SPOCK1: variants seen among roughly 807,000 people sequenced by gnomAD.
SPOCK1 encodes the protein testican-1.
SPOCK1 carries 23 observed loss-of-function variants against 55.3 expected under a neutral mutation model. That is an observed-to-expected ratio of 0.42 (90% CI 0.30 to 0.59). The LOEUF (loss-of-function observed/expected upper bound fraction) is 0.59, where lower values mean the gene tolerates loss of function less well. Ranked by LOEUF, SPOCK1 falls within the 20% of genes least tolerant of loss-of-function variation. The pLI, the probability that SPOCK1 is intolerant of heterozygous loss-of-function variation, is 0.22. For synonymous variants in SPOCK1, 226 were observed against 221.0 expected (o/e 1.02, Z -0.20); for missense variants, 499 against 552.5 (o/e 0.90, Z 0.97).
At chr5:137,468,745 C>T (rs1463039496) in intron 2 of SPOCK1, among the ~76,000 whole-genome samples, 1 of 152,114 alleles carries the variant, frequency 6.6e-6, no homozygotes, top group African/African-American at 2.4e-5. Context: ...GCCTTCAGCC[C>T]CACTTCCAGG....
intron 2 of SPOCK1, among the ~76,000 whole-genome samples, chr5:137,272,190 A>G (rs1277221827): frequency 2.0e-5 from 3 of 152,210 alleles, no homozygotes; most frequent in Non-Finnish European, 4.4e-5. Context: ...AAAGAGATCA[A>G]TGAAGGGACT....
In SPOCK1 at chr5:137,293,080, G is replaced by C. The variant is rs145827560; in HGVS notation, c.187-26025C>G. Among the ~76,000 whole-genome samples, 1,265 of 130,712 alleles carry C rather than the reference G, an allele frequency of 9.7e-3. 14 individuals are homozygous for C. The highest frequency in any genetic ancestry group is 0.015 in the Non-Finnish European group (939 of 61,908). The allele number at this position is 130,712 out of a possible 152,430, so 85.8% of individuals were successfully genotyped here. A position where few individuals can be genotyped will look rare whatever the true frequency, so the allele number is the denominator to read the frequency against. Reference sequence around the variant, plus strand: ...GCTGTTTCATTCAATTCTGCAGTTGGTTTGTTGAATTTTTTTTTTTTTTTT... The same window carrying C: ...GCTGTTTCATTCAATTCTGCAGTTGCTTTGTTGAATTTTTTTTTTTTTTTT... On this transcript the variant is annotated intron_variant, in intron 2 of 10. Transcript: ENST00000394945.
Position 137,084,568 on chromosome 5 carries a change from T to A in SPOCK1, c.475-16739A>T, listed in dbSNP as rs931334114. On this transcript the variant is annotated intron_variant, in intron 5 of 10. Coordinates refer to ENST00000394945, the MANE Select transcript of SPOCK1 (RefSeq NM_004598.4). The stretch of plus-strand genomic sequence containing the variant: ...TGGCAGGGGCACTGGGAAACCCCTA[T>A]TAGAGAGGGATGCATCTAATACTCT... Among the ~76,000 whole-genome samples, 14 of 151,968 alleles carry A rather than the reference T, an allele frequency of 9.2e-5. No homozygotes were observed. The South Asian group carries it at 2.5e-3, about 27-fold the overall frequency.
intron 2 of SPOCK1, among the ~76,000 whole-genome samples, chr5:137,424,264 C>T (rs999183174): frequency 1.3e-4 from 20 of 152,100 alleles, no homozygotes; most frequent in Non-Finnish European, 2.6e-4. Context: ...ACCTGTGGTC[C>T]TAGCTACTCA....
At chr5:137,300,857 C>A (rs539731327) in intron 2 of SPOCK1, among the ~76,000 whole-genome samples, 3 of 152,178 alleles carry the variant, frequency 2.0e-5, no homozygotes, top group Non-Finnish European at 4.4e-5. Context: ...GAATGGAGGT[C>A]ACCCTCACAC....
intron 6 of SPOCK1, among the ~76,000 whole-genome samples, chr5:137,022,049 C>G (rs1751587586): frequency 6.6e-6 from 1 of 152,096 alleles, no homozygotes; most frequent in African/African-American, 2.4e-5. Context: ...CTCTCTGTCC[C>G]CTCCTTTTAC....
At chr5:137,073,437 A>G (rs551317581) in intron 5 of SPOCK1, among the ~76,000 whole-genome samples, 2 of 152,330 alleles carry the variant, frequency 1.3e-5, no homozygotes, top group East Asian at 1.9e-4. Context: ...CCCAGGGTAG[A>G]AGATTTTGAC....
intron 2 of SPOCK1, among the ~76,000 whole-genome samples, chr5:137,370,181 CT>C (rs1751168900): frequency 6.6e-6 from 1 of 152,192 alleles, no homozygotes; most frequent in Non-Finnish European, 1.5e-5. Context: ...TTCTCACCCG[CT>C]GCCTACCTCT....
chr5:137,446,542 G>T (rs1249751851), intron 2 of SPOCK1, among the ~76,000 whole-genome samples: 1 of 152,182 alleles, frequency 6.6e-6, no homozygotes, highest in Non-Finnish European at 1.5e-5. Context: ...TAGGAGGAAG[G>T]TATGTGAGAT....
chr5:137,389,794 G>C (rs908078953), intron 2 of SPOCK1, among the ~76,000 whole-genome samples: 1 of 152,212 alleles, frequency 6.6e-6, no homozygotes, highest in African/African-American at 2.4e-5. Flanking sequence ...TAGCTGTGTT[G>C]TCTCTTTAAG....
chr5:137,370,300 G>A (rs1203057898), intron 2 of SPOCK1, among the ~76,000 whole-genome samples: 2 of 152,118 alleles, frequency 1.3e-5, no homozygotes, highest in South Asian at 2.1e-4. Flanking sequence ...ATCATGCCAC[G>A]ATCAGACAGT....
chr5:137,474,171 A>C (rs1366801599), intron 2 of SPOCK1, among the ~76,000 whole-genome samples: 2 of 152,156 alleles, frequency 1.3e-5, no homozygotes, highest in African/African-American at 4.8e-5. Flanking sequence ...ACAAACCACC[A>C]CTAAAGAAGT....
At chr5:137,176,540 G>A (rs1561637046) in intron 3 of SPOCK1, among the ~76,000 whole-genome samples, 2 of 150,344 alleles carry the variant, frequency 1.3e-5, no homozygotes, top group African/African-American at 2.5e-5. Context: ...AGGTACATGT[G>A]TATATACACA....
intron 2 of SPOCK1, among the ~76,000 whole-genome samples, chr5:137,301,971 G>A (rs1416865739): frequency 6.6e-6 from 1 of 152,140 alleles, no homozygotes; most frequent in Non-Finnish European, 1.5e-5. Context: ...CCATAATGCT[G>A]AGGGTCATGG....
chr5:136,985,072 CT>C, intron 9 of SPOCK1, 67 bp downstream of exon 9: 1 of 1,443,950 alleles, frequency 6.9e-7, no homozygotes, highest in Non-Finnish European at 9.8e-7. Context: ...CATTGCCATG[CT>C]GATCATTACA....
intron 2 of SPOCK1, among the ~76,000 whole-genome samples, chr5:137,390,832 A>G (rs1213668714): frequency 6.6e-6 from 1 of 152,082 alleles, no homozygotes; most frequent in Non-Finnish European, 1.5e-5. Flanking sequence ...GTTAGGGAGT[A>G]GCTGGTGGGG....
intron 2 of SPOCK1, among the ~76,000 whole-genome samples, chr5:137,272,118 G>A (rs1561489995): frequency 6.6e-6 from 1 of 152,162 alleles, no homozygotes; most frequent in Non-Finnish European, 1.5e-5. Flanking sequence ...AAGTAGATCA[G>A]AACTGAGTTT....
intron 3 of SPOCK1, among the ~76,000 whole-genome samples, chr5:137,248,895 T>C (rs1580828549): frequency 6.6e-6 from 1 of 152,248 alleles, no homozygotes; most frequent in East Asian, 1.9e-4. Flanking sequence ...TCTGAGAATC[T>C]TGGCCAAGGA....
chr5:137,055,594 A>G (rs1362406121), intron 6 of SPOCK1, among the ~76,000 whole-genome samples: 3 of 152,236 alleles, frequency 2.0e-5, no homozygotes, highest in South Asian at 4.1e-4. Flanking sequence ...TTCACTCAAA[A>G]GAGAACAAAT....
Sources: allele counts gnomAD v4.1 joint callset (sites outside exome capture counted in the v4.1 genomes callset), GRCh38; gene constraint gnomAD v4.1.1; transcripts MANE v1.5; gene names NCBI Gene and HGNC (gene_info 2026-07-23, HGNC 2026-07-21).